Variants in KLF13 observed in about 807,000 individuals in gnomAD.
KLF13 encodes the protein Krueppel-like factor 13.
KLF13 carries 8 observed loss-of-function variants against 16.7 expected under a neutral mutation model. The ratio of observed to expected loss-of-function variants is 0.48; its 90% CI spans 0.28 to 0.87. KLF13 has a LOEUF of 0.87. Ranked by LOEUF, KLF13 falls within the 40% of genes least tolerant of loss-of-function variation. KLF13 has a pLI of 0.10. For missense variants in KLF13, 447 were observed against 452.2 expected, an observed-to-expected ratio of 0.99 and a Z score of 0.10; for synonymous variants, 245 against 208.4, an observed-to-expected ratio of 1.18 and a Z score of -1.51.
Position 31,327,257 on chromosome 15 carries a change from C to T in KLF13, c.45C>T (p.Leu15=). The T allele has an allele frequency of 7.3e-7, 1 of 1,376,526 alleles. No individual in the cohort carries two copies. The highest frequency in any genetic ancestry group is 9.4e-7 in the Non-Finnish European group (1 of 1,063,192). The allele number at this position is 1,376,526 out of a possible 1,614,324, so 85.3% of individuals were successfully genotyped here. Residue 15 remains leucine (L), a synonymous_variant, in exon 1 of 2, where the codon CTC becomes CTT. Coordinates refer to ENST00000307145, the MANE Select transcript of KLF13 (RefSeq NM_015995.4). The part of the protein sequence containing the change: ...AYVDHFAAEC[L]VSMSSRAVVH... ...TGGACCACTTCGCCGCCGAGTGCCT[C>T]GTGTCCATGTCGAGCCGCGCGGTCG...
chr15:31,345,948 G>A (rs2039108845), intron 1 of KLF13, among the ~76,000 whole-genome samples: 1 of 152,094 alleles, frequency 6.6e-6, no homozygotes, highest in Admixed American at 6.5e-5. Flanking sequence ...GGCACTGATG[G>A]GGGTTCTGGT....
intron 1 of KLF13, among the ~76,000 whole-genome samples, chr15:31,344,053 G>C (rs1244767405): frequency 6.6e-6 from 1 of 152,198 alleles, no homozygotes; most frequent in Non-Finnish European, 1.5e-5. Context: ...CTGGCTGTCA[G>C]GGGTGACTTT....
chr15:31,413,206 A>AAAAAAAAAAAAAAAAAAC (rs1566843740), intron 1 of KLF13, among the ~76,000 whole-genome samples: 2 of 145,514 alleles, frequency 1.4e-5, no homozygotes, highest in African/African-American at 2.5e-5. Context: ...AAAAAAACAA[A>AAAAAAAAAAAAAAAAAAC]AAACAAAAAA....
chr15:31,400,924 C>T (rs2040026875), intron 2 of KLF13, among the ~76,000 whole-genome samples: 1 of 152,042 alleles, frequency 6.6e-6, no homozygotes, highest in South Asian at 2.1e-4. Flanking sequence ...CTGGAAGCGT[C>T]GCATCGCTAT....
chr15:31,327,918 C>G, intron 1 of KLF13, 129 bp downstream of exon 1: 2 of 1,064,844 alleles, frequency 1.9e-6, no homozygotes, highest in Non-Finnish European at 2.3e-6. Flanking sequence ...GGGGCCTCGC[C>G]CCTTCCCCTG....
chr15:31,428,528 C>T (rs529303654), intron 1 of KLF13, among the ~76,000 whole-genome samples: 25 of 151,970 alleles, frequency 1.6e-4, no homozygotes, highest in East Asian at 3.9e-4. Context: ...AAGGACCGGC[C>T]GCGGGCGGTG....
chr15:31,336,976 A>G (rs915354105), intron 1 of KLF13, among the ~76,000 whole-genome samples: 1 of 152,202 alleles, frequency 6.6e-6, no homozygotes, highest in Admixed American at 6.5e-5. Context: ...AATCTGGGAT[A>G]TGTAAATGTG....
chr15:31,359,460 G>A (rs935916728), intron 1 of KLF13, among the ~76,000 whole-genome samples: 1 of 152,222 alleles, frequency 6.6e-6, no homozygotes, highest in African/African-American at 2.4e-5. Context: ...GGATTGGGGT[G>A]CTGGGTTCTG....
chr15:31,420,385 C>A, intron 1 of KLF13: 1 of 1,143,816 alleles, frequency 8.7e-7, no homozygotes, highest in Non-Finnish European at 1.3e-6. Flanking sequence ...TAGAGTTCCC[C>A]AGTGGCTACC....
chr15:31,416,065 C>T (rs541870228), intron 1 of KLF13, among the ~76,000 whole-genome samples: 1 of 152,142 alleles, frequency 6.6e-6, no homozygotes, highest in African/African-American at 2.4e-5. Context: ...AGTTACGTAA[C>T]AACAAATTAG....
chr15:31,350,798 G>C (rs2039204085), intron 1 of KLF13, among the ~76,000 whole-genome samples: 1 of 152,268 alleles, frequency 6.6e-6, no homozygotes. Context: ...GAGAAGGTGA[G>C]GCTAAGCAGG....
chr15:31,340,546 G>A (rs1187139652), intron 1 of KLF13, among the ~76,000 whole-genome samples: 1 of 152,216 alleles, frequency 6.6e-6, no homozygotes, highest in Admixed American at 6.5e-5. Context: ...CCCCTTCAAA[G>A]ATGTATGCAG....
intron 1 of KLF13, among the ~76,000 whole-genome samples, chr15:31,340,902 A>G (rs2039011701): frequency 6.6e-6 from 1 of 152,186 alleles, no homozygotes; most frequent in Non-Finnish European, 1.5e-5. Context: ...AGTCAAAGGT[A>G]TTGAAATAGT....
At position 31,348,127 on chromosome 15, in the gene KLF13, G is replaced by A. The variant is rs376039582; in HGVS notation, c.577+20338G>A. Among the ~76,000 whole-genome samples, 63 of 152,344 alleles carry A rather than the reference G, an allele frequency of 4.1e-4. No homozygotes were observed. In the East Asian group the frequency reaches 9.1e-3, roughly 22 times the overall value. ...GCTGGTGGAGGAAAGTGGAAAACAC[G>A]CAGGCTTTGTGGGAAGAAAGGACGC... On this transcript the variant is annotated intron_variant, in intron 1 of 1. Transcript: ENST00000307145.
At chr15:31,405,367 T>A (rs138646468), downstream of KLF13, among the ~76,000 whole-genome samples, 1 of 152,342 alleles carries the variant, frequency 6.6e-6, no homozygotes, top group Non-Finnish European at 1.5e-5. Context: ...CCTCTCCTCT[T>A]CTGCCAGGTG....
upstream of KLF13, among the ~76,000 whole-genome samples, chr15:31,389,612 A>G (rs1040883778): frequency 6.6e-6 from 1 of 152,182 alleles, no homozygotes; most frequent in African/African-American, 2.4e-5. Flanking sequence ...TTTGGTCTGC[A>G]TCTTGACTCC....
intron 1 of KLF13, among the ~76,000 whole-genome samples, chr15:31,329,958 G>C (rs1473517092): frequency 2.0e-5 from 3 of 152,114 alleles, no homozygotes; most frequent in African/African-American, 7.2e-5. Context: ...CATGTTACCG[G>C]TACCCCAGGT....
intron 1 of KLF13, among the ~76,000 whole-genome samples, chr15:31,410,938 A>T (rs2040186569): frequency 6.6e-6 from 1 of 152,246 alleles, no homozygotes; most frequent in African/African-American, 2.4e-5. Context: ...AGTAAAATGG[A>T]TCAATTCCTT....
In KLF13 at chr15:31,327,775, TG is replaced by T; in HGVS notation, c.564del (p.Arg189GlufsTer54). 1 of 1,527,630 alleles carries T rather than the reference TG, an allele frequency of 6.5e-7. No individual in the cohort carries two copies. The highest frequency in any genetic ancestry group is 8.8e-7 in the Non-Finnish European group (1 of 1,132,732). 94.6% of individuals were successfully genotyped at this position (1,527,630 alleles called of 1,614,324 possible). On this transcript the variant is annotated frameshift_variant, in exon 1 of 2. Coordinates refer to ENST00000307145, the MANE Select transcript of KLF13 (RefSeq NM_015995.4). LOFTEE classifies it high-confidence loss of function. The stretch of plus-strand genomic sequence containing the variant: ...AAATCTTCGCACCTCAAGGCGCACC[TG>T]AGAACTCACACAGGTCAGTGGGGCG... ...YGKSSHLKAH[L>X]RTHTGERPFA...
Sources: allele counts gnomAD v4.1 joint callset (sites outside exome capture counted in the v4.1 genomes callset), GRCh38; gene constraint gnomAD v4.1.1; transcripts MANE v1.5; gene names NCBI Gene and HGNC (gene_info 2026-07-23, HGNC 2026-07-21).